DPYD: variants seen among roughly 807,000 people sequenced by gnomAD.
The protein encoded by DPYD is dihydropyrimidine dehydrogenase [NADP(+)].
DPYD carries 109 observed loss-of-function variants against 116.2 expected under a neutral mutation model. The observed-to-expected ratio is 0.94, with a 90% CI of 0.80 to 1.10. The LOEUF is 1.10. Ranked by LOEUF, DPYD falls within the 50% of genes least tolerant of loss-of-function variation. The pLI is 0.00. For synonymous variants in DPYD, 440 were observed against 432.0 expected, an observed-to-expected ratio of 1.02 and a Z score of -0.23; for missense variants, 1,302 against 1,254.5, an observed-to-expected ratio of 1.04 and a Z score of -0.57.
intron 16 of DPYD, among the ~76,000 whole-genome samples, chr1:97,312,486 T>C (rs1031237424): frequency 6.0e-4 from 91 of 151,932 alleles, no homozygotes; most frequent in African/African-American, 1.9e-3. Flanking sequence ...CAGCATTGTT[T>C]GCAGTAGTGG....
intron 14 of DPYD, among the ~76,000 whole-genome samples, chr1:97,389,572 T>C (rs1208090463): frequency 6.6e-6 from 1 of 152,030 alleles, no homozygotes; most frequent in African/African-American, 2.4e-5. Flanking sequence ...TTTTTAGTGC[T>C]TAAGTCATTA....
At chr1:97,673,078 T>C (rs559134772) in intron 8 of DPYD, among the ~76,000 whole-genome samples, 61 of 152,264 alleles carry the variant, frequency 4.0e-4, no homozygotes, top group Non-Finnish European at 5.3e-4. Flanking sequence ...GAGTCACAAT[T>C]GAAGTATGGA....
chr1:97,757,418 T>C (rs1403488240), intron 3 of DPYD, among the ~76,000 whole-genome samples: 5 of 152,090 alleles, frequency 3.3e-5, no homozygotes. Context: ...AAGGCCCTGG[T>C]GACTGAAGCA....
At chr1:97,384,848 A>G (rs1672226194) in intron 14 of DPYD, among the ~76,000 whole-genome samples, 1 of 152,180 alleles carries the variant, frequency 6.6e-6, no homozygotes, top group African/African-American at 2.4e-5. Flanking sequence ...CAGAAGAAAC[A>G]GCAATTTTGA....
At chr1:97,260,645 G>C (rs574367176) in intron 18 of DPYD, among the ~76,000 whole-genome samples, 50 of 151,974 alleles carry the variant, frequency 3.3e-4, no homozygotes, top group Non-Finnish European at 6.3e-4. Flanking sequence ...TTGAATGTGT[G>C]GTTTAGTAGA....
At chr1:97,312,072 A>ATGTGTGTG (rs1048280103) in intron 16 of DPYD, among the ~76,000 whole-genome samples, 2 of 151,678 alleles carry the variant, frequency 1.3e-5, no homozygotes, top group Non-Finnish European at 2.9e-5. Flanking sequence ...AAAAATATAT[A>ATGTGTGTG]TGTGTGTGTG....
intron 8 of DPYD, among the ~76,000 whole-genome samples, chr1:97,664,332 ATG>A (rs1319662968): frequency 6.6e-6 from 1 of 151,542 alleles, no homozygotes; most frequent in Non-Finnish European, 1.5e-5. Flanking sequence ...ATATGTGTGT[ATG>A]TGTGTGTATA....
At chr1:97,256,260 G>A (rs944760044) in intron 18 of DPYD, among the ~76,000 whole-genome samples, 1 of 152,038 alleles carries the variant, frequency 6.6e-6, no homozygotes, top group Non-Finnish European at 1.5e-5. Context: ...AAACAATGCT[G>A]TATAGCTCCC....
intron 20 of DPYD, among the ~76,000 whole-genome samples, chr1:97,182,517 T>A (rs527457927): frequency 6.6e-6 from 1 of 152,260 alleles, no homozygotes; most frequent in African/African-American, 2.4e-5. Flanking sequence ...ATATATTTTA[T>A]ATCAATCATT....
chr1:97,853,165 A>G (rs1483981442), intron 2 of DPYD, among the ~76,000 whole-genome samples: 1 of 152,258 alleles, frequency 6.6e-6, no homozygotes, highest in Non-Finnish European at 1.5e-5. Flanking sequence ...TCCTCTATGT[A>G]TAAATGTCTG....
chr1:97,595,005 A>T (rs941448384), intron 9 of DPYD, 54 bp downstream of exon 9: 2 of 1,351,234 alleles, frequency 1.5e-6, no homozygotes, highest in Non-Finnish European at 2.1e-6. Context: ...ATATTAATTT[A>T]TCATAAATAA....
chr1:97,785,033 AAC>A (rs1289154438), intron 3 of DPYD, among the ~76,000 whole-genome samples: 3 of 152,202 alleles, frequency 2.0e-5, no homozygotes, highest in Non-Finnish European at 4.4e-5. Flanking sequence ...GATTTTAATA[AAC>A]ACAAATAAAT....
intron 2 of DPYD, among the ~76,000 whole-genome samples, chr1:97,861,432 C>T (rs958030279): frequency 2.0e-5 from 3 of 151,150 alleles, no homozygotes; most frequent in Non-Finnish European, 4.4e-5. Flanking sequence ...TAAATTCAAC[C>T]AAATTAAAAA....
chr1:97,116,334 A>ACTAT (rs1266554063), intron 20 of DPYD, among the ~76,000 whole-genome samples: 1 of 152,096 alleles, frequency 6.6e-6, no homozygotes, highest in Non-Finnish European at 1.5e-5. Flanking sequence ...GCATCTTACC[A>ACTAT]AGACACAAGC....
chr1:97,838,495 T>C (rs1174073754), intron 2 of DPYD, among the ~76,000 whole-genome samples: 2 of 152,226 alleles, frequency 1.3e-5, no homozygotes, highest in African/African-American at 4.8e-5. Context: ...TTACTCAATA[T>C]TGTGTTCTTT....
In DPYD at chr1:97,265,036, C is replaced by T. The variant is rs372950406; in HGVS notation, c.2300-30042G>A. On this transcript the variant is annotated intron_variant, in intron 18 of 22. Transcript: ENST00000370192. ...ATAGATAGTAATAGCAAGACTGTCC[C>T]GTTCATCCGTGGACAGTGCCATTAT... Among the ~76,000 whole-genome samples the T allele has an allele frequency of 3.0e-4, 46 of 152,182 alleles. No homozygotes were observed. The East Asian group carries it at 6.2e-3, about 20-fold the overall frequency.
intron 14 of DPYD, among the ~76,000 whole-genome samples, chr1:97,444,945 T>C (rs1675996230): frequency 6.6e-6 from 1 of 152,186 alleles, no homozygotes; most frequent in Non-Finnish European, 1.5e-5. Flanking sequence ...CAGAATGGAC[T>C]CTTTGTGTTC....
At chr1:97,814,335 T>C (rs1001419539) in intron 3 of DPYD, among the ~76,000 whole-genome samples, 1 of 152,128 alleles carries the variant, frequency 6.6e-6, no homozygotes, top group Admixed American at 6.6e-5. Flanking sequence ...AGTAAGGAAT[T>C]TGTCATTTAT....
intron 5 of DPYD, among the ~76,000 whole-genome samples, chr1:97,701,147 A>G (rs1353603921): frequency 1.3e-5 from 2 of 148,854 alleles, no homozygotes; most frequent in African/African-American, 4.9e-5. Context: ...AGACTAGAAA[A>G]AGTTATACAA....
Sources: gnomAD v4.1 joint callset for allele counts (sites outside exome capture counted in the v4.1 genomes callset) on GRCh38, gnomAD v4.1.1 for gene constraint, MANE v1.5 for transcripts, NCBI Gene and HGNC (gene_info 2026-07-23, HGNC 2026-07-21) for gene names.